ITGB6: variants seen among roughly 807,000 people sequenced by gnomAD.
ITGB6 encodes integrin subunit beta 6, also known as integrin beta-6.
Under a neutral mutation model 84.5 loss-of-function variants are expected in ITGB6, and 80 were observed. The ratio of observed to expected loss-of-function variants is 0.95; its 90% confidence interval spans 0.79 to 1.14. The LOEUF (loss-of-function observed/expected upper bound fraction) is 1.14, where lower values mean the gene tolerates loss of function less well. Ranked by LOEUF, ITGB6 falls within the 50% of genes most tolerant of loss-of-function variation. The pLI is 0.00. For missense variants in ITGB6, 1,006 were observed against 968.0 expected (o/e 1.04, Z -0.52); for synonymous variants, 383 against 354.9 (o/e 1.08, Z -0.89).
chr2:160,135,930 A>C (rs1683694248), intron 10 of ITGB6, among the ~76,000 whole-genome samples: 1 of 152,216 alleles, frequency 6.6e-6, no homozygotes, highest in Non-Finnish European at 1.5e-5. Flanking sequence ...TTTAAATATT[A>C]GACCTAAAAC....
intron 12 of ITGB6, among the ~76,000 whole-genome samples, chr2:160,120,945 G>A (rs1176275739): frequency 6.8e-6 from 1 of 147,666 alleles, no homozygotes; most frequent in Non-Finnish European, 1.5e-5. Context: ...AGCATTAGGA[G>A]ATATACCTAA....
chr2:160,147,294 G>A (rs1254572008), intron 7 of ITGB6, among the ~76,000 whole-genome samples: 2 of 152,042 alleles, frequency 1.3e-5, no homozygotes, highest in Non-Finnish European at 2.9e-5. Context: ...TTTTATCACT[G>A]TAGAAGTCAG....
chr2:160,101,486 G>A lies in ITGB6; in HGVS notation c.*250C>T. ...ATGAATCATTTGATGATTTTTTGAA[G>A]CATTAATGCAACAGAGTTAGTATTC... On this transcript the variant is annotated 3_prime_UTR_variant, in exon 15 of 15. Coordinates refer to ENST00000283249, the MANE Select transcript of ITGB6 (RefSeq NM_000888.5). 2.6e-6 allele frequency: 1 copy of A among 385,034 alleles called. No homozygotes were observed. The highest frequency in any genetic ancestry group is 4.6e-6 in the Non-Finnish European group (1 of 215,444). 23.9% of individuals were successfully genotyped at this position (385,034 alleles called of 1,614,324 possible).
chr2:160,149,098 T>C (rs576782429), intron 7 of ITGB6, among the ~76,000 whole-genome samples: 32 of 152,368 alleles, frequency 2.1e-4, no homozygotes, highest in African/African-American at 6.0e-4. Context: ...GAGCAGTGGT[T>C]CTCTCAGCAC....
In ITGB6 at chr2:160,137,642, G is replaced by C. The variant is rs1435818450; in HGVS notation, c.1452C>G (p.Gly484=). 1 of 1,614,196 alleles carries C rather than the reference G, an allele frequency of 6.2e-7. No individual in the cohort carries two copies. Among genetic ancestry groups the C allele is most frequent in the Admixed American group, 1.7e-5 (1 of 60,030 alleles). ...CACACTCACAGCGAGGCCCCATGTGGCCAGGGTGGCAGGCACACACCCCAC... is the reference window on the plus strand; with the variant it reads ...CACACTCACAGCGAGGCCCCATGTGCCCAGGGTGGCAGGCACACACCCCAC... The part of the protein sequence containing the change: ...FQCGVCACHP[G]HMGPRCECGE... Residue 484 remains glycine (G), a synonymous_variant, in exon 10 of 15, where the codon GGC becomes GGG. Transcript: ENST00000283249.
intron 14 of ITGB6, among the ~76,000 whole-genome samples, chr2:160,106,878 G>C (rs903828328): frequency 5.9e-5 from 9 of 152,158 alleles, no homozygotes; most frequent in African/African-American, 2.2e-4. Context: ...ATTTTCTCCA[G>C]TGATATCATT....
At chr2:160,111,224 G>A (rs549347901) in intron 13 of ITGB6, among the ~76,000 whole-genome samples, 1 of 151,950 alleles carries the variant, frequency 6.6e-6, no homozygotes, top group African/African-American at 2.4e-5. Context: ...TTTGAAACTC[G>A]TTTTTTTCAA....
intron 5 of ITGB6, among the ~76,000 whole-genome samples, chr2:160,173,068 T>C (rs2105869111): frequency 6.6e-6 from 1 of 152,314 alleles, no homozygotes; most frequent in African/African-American, 2.4e-5. Flanking sequence ...GAGGAGGTCA[T>C]AGATGGTCCC....
At chr2:160,177,351 G>A (rs1229721921) in intron 4 of ITGB6, among the ~76,000 whole-genome samples, 1 of 152,082 alleles carries the variant, frequency 6.6e-6, no homozygotes, top group East Asian at 1.9e-4. Context: ...CGGATCATGA[G>A]GTCAGGAGAT....
intron 4 of ITGB6, among the ~76,000 whole-genome samples, chr2:160,188,606 C>CT (rs36050555): frequency 0.047 from 6,692 of 143,552 alleles, 175 homozygotes; most frequent in Middle Eastern, 0.13. Context: ...TCATTCAATT[C>CT]TTTTTTTTTT....
chr2:160,101,966 G>T, intron 14 of ITGB6, 132 bp from the exon 15 acceptor site: 1 of 609,908 alleles, frequency 1.6e-6, no homozygotes, highest in South Asian at 2.1e-5. Context: ...TGATTAATTT[G>T]GCATTTCATA....
intron 10 of ITGB6, 145 bp downstream of exon 10, chr2:160,137,289 A>G (rs35720878): frequency 1.4e-6 from 1 of 693,514 alleles, no homozygotes; most frequent in Non-Finnish European, 2.4e-6. Flanking sequence ...ACAAGAGAAG[A>G]TTCAGTTACC....
chr2:160,110,494 C>T (rs1188982772), intron 13 of ITGB6, among the ~76,000 whole-genome samples: 1 of 152,280 alleles, frequency 6.6e-6, no homozygotes, highest in Non-Finnish European at 1.5e-5. Context: ...CAAGTTGGAA[C>T]CTGTGGGTAT....
chr2:160,172,903 T>C (rs941571149), intron 5 of ITGB6, among the ~76,000 whole-genome samples, 173 bp from the exon 6 acceptor site: 1 of 152,228 alleles, frequency 6.6e-6, no homozygotes, highest in East Asian at 1.9e-4. Context: ...AACATGAAAT[T>C]CTGTGACATT....
At position 160,157,411 on chromosome 2, in the gene ITGB6, A is replaced by G. The variant is rs190669236; in HGVS notation, c.1017+11801T>C. Among the ~76,000 whole-genome samples, 16 of 152,320 alleles carry G rather than the reference A, an allele frequency of 1.1e-4. No homozygotes were observed. In the East Asian group the frequency reaches 2.7e-3, roughly 26 times the overall value. Reference sequence around the variant, plus strand: ...ACAGGTAAGTACCTTGCCCAGTCACAGATGTAATACATGGTAGAAATAGGT... The same window carrying G: ...ACAGGTAAGTACCTTGCCCAGTCACGGATGTAATACATGGTAGAAATAGGT... On this transcript the variant is annotated intron_variant, in intron 7 of 14. Coordinates refer to ENST00000283249, the MANE Select transcript of ITGB6 (RefSeq NM_000888.5).
rs563419335 is a variant in ITGB6 at position 160,112,273 on chromosome 2, G to T, written c.1982-74C>A. On this transcript the variant is annotated intron_variant, in intron 12 of 14. Coordinates refer to ENST00000283249, the MANE Select transcript of ITGB6 (RefSeq NM_000888.5). ...ATTGTTTTTAAAACAAAGTAGTATT[G>T]AGTTTTAATATGTAAATTAGAGTTT... 98 of 1,350,724 alleles carry T rather than the reference G, an allele frequency of 7.3e-5. 1 individual carries two copies. In the African/African-American group the frequency reaches 1.0e-3, roughly 14 times the overall value. The allele number at this position is 1,350,724 out of a possible 1,614,324, so 83.7% of individuals were successfully genotyped here.
chr2:160,156,696 T>C (rs1302205705), intron 7 of ITGB6, among the ~76,000 whole-genome samples: 1 of 152,192 alleles, frequency 6.6e-6, no homozygotes, highest in Non-Finnish European at 1.5e-5. Context: ...ATTATTCCTG[T>C]TTTATGGCCA....
intron 11 of ITGB6, among the ~76,000 whole-genome samples, chr2:160,125,557 C>T (rs557284383): frequency 1.3e-5 from 2 of 152,278 alleles, no homozygotes; most frequent in African/African-American, 4.8e-5. Flanking sequence ...GTTTTGACAC[C>T]TGAATGGTGA....
At chr2:160,139,919 T>C (rs1683930626) in intron 8 of ITGB6, among the ~76,000 whole-genome samples, 1 of 152,028 alleles carries the variant, frequency 6.6e-6, no homozygotes, top group Non-Finnish European at 1.5e-5. Context: ...TACACATCGG[T>C]ATTTAAGGTT....
Sources: gnomAD v4.1 joint callset for allele counts (sites outside exome capture counted in the v4.1 genomes callset) on GRCh38, gnomAD v4.1.1 for gene constraint, MANE v1.5 for transcripts, NCBI Gene and HGNC (gene_info 2026-07-23, HGNC 2026-07-21) for gene names.